Variants in TMEM183A observed in about 807,000 individuals in gnomAD.
TMEM183A encodes the protein transmembrane protein 183A.
In TMEM183A, 21 loss-of-function variants were observed where a neutral mutation model predicts 46.7. That is an observed-to-expected ratio of 0.45 (90% CI 0.32 to 0.65). The LOEUF is 0.65. TMEM183A is among the 30% of genes least tolerant of loss of function. The probability of loss-of-function intolerance (pLI) is 0.04; values close to 1 mark genes in which losing one functional copy is unlikely to be tolerated. For missense variants in TMEM183A, 331 were observed against 481.9 expected (o/e 0.69, Z 2.93); for synonymous variants, 165 against 180.2 (o/e 0.92, Z 0.68).
At chr1:203,007,659 G>C in intron 1 of TMEM183A, 85 bp downstream of exon 1, 3 of 1,537,722 alleles carry the variant, frequency 2.0e-6, no homozygotes, top group Non-Finnish European at 2.6e-6. Context: ...GAGCGCTCGC[G>C]TGCCCGCGGC....
At chr1:203,015,764 AATGG>A in intron 4 of TMEM183A, 192 bp from the exon 5 acceptor site, 1 of 635,824 alleles carries the variant, frequency 1.6e-6, no homozygotes. Flanking sequence ...CAACTTTAAA[AATGG>A]ATGGAGAACT....
rs1345450250 is a variant in TMEM183A at position 203,013,271 on chromosome 1, T to TG, written c.368-1614dup. Reference sequence around the variant, plus strand: ...TTAGCTAGAAAAGCGGGGGCAACTTTGGGGAGATGGTGTAGGGGCTTTTTC... The same window carrying TG: ...TTAGCTAGAAAAGCGGGGGCAACTTTGGGGGAGATGGTGTAGGGGCTTTTTC... On this transcript the variant is annotated intron_variant, in intron 3 of 7. Coordinates refer to ENST00000367242, the MANE Select transcript of TMEM183A (RefSeq NM_138391.6). The surrounding 1 kb of genome is among the most constrained non-coding windows in gnomAD (Gnocchi z 4.0). 6.6e-6 allele frequency among the ~76,000 whole-genome samples: 1 copy of TG among 152,146 alleles called. No individual in the cohort carries two copies. The highest frequency in any genetic ancestry group is 1.9e-4 in the East Asian group (1 of 5,196).
chr1:203,023,062 G>A lies in TMEM183A; in HGVS notation c.*22G>A, dbSNP rs773069314. 2.5e-5 allele frequency: 35 copies of A among 1,422,572 alleles called. No individual in the cohort carries two copies. In the South Asian group the frequency reaches 4.3e-4, roughly 17 times the overall value. The allele number at this position is 1,422,572 out of a possible 1,614,324, so 88.1% of individuals were successfully genotyped here. ...GTAGTTACTGCTTCCCATCCCTTGG[G>A]GGCAGCCTCGAGTGTAGTCCATTAG... On this transcript the variant is annotated 3_prime_UTR_variant, in exon 8 of 8. Transcript: ENST00000367242.
intron 2 of TMEM183A, among the ~76,000 whole-genome samples, chr1:203,008,310 A>G (rs940889793): frequency 1.3e-5 from 2 of 152,166 alleles, no homozygotes; most frequent in African/African-American, 4.8e-5. Flanking sequence ...ATTTGTCTCA[A>G]ACATTTCTCT....
At chr1:203,007,599 G>T in intron 1 of TMEM183A, 25 bp downstream of exon 1, 1 of 1,537,124 alleles carries the variant, frequency 6.5e-7, no homozygotes, top group Admixed American at 2.0e-5. Context: ...CAGGGGCGCT[G>T]AAACATTTTG....
intron 1 of TMEM183A, 69 bp downstream of exon 1, chr1:203,007,643 C>A (rs1046648182): frequency 6.5e-7 from 1 of 1,528,936 alleles, no homozygotes. Flanking sequence ...TGGACCGTGC[C>A]GAGGTGAGCG....
intron 6 of TMEM183A, among the ~76,000 whole-genome samples, chr1:203,019,645 A>G (rs1212502010): frequency 6.6e-6 from 1 of 152,192 alleles, no homozygotes; most frequent in Non-Finnish European, 1.5e-5. Flanking sequence ...TTTACCATTA[A>G]AAAAAGCTTT....
chr1:203,017,895 C>T (rs1657318148), intron 5 of TMEM183A: 10 of 986,034 alleles, frequency 1.0e-5, no homozygotes, highest in Non-Finnish European at 1.2e-5. Flanking sequence ...GCACGGCGGA[C>T]GACCCACCCC....
In TMEM183A at chr1:203,024,378, T is replaced by C. The variant is rs1002719481; in HGVS notation, c.*1338T>C. On this transcript the variant is annotated 3_prime_UTR_variant, in exon 8 of 8. Transcript: ENST00000367242. ...TCCTCCCACCCTCCACCATCCAAAA[T>C]TAACCAGTGAGCTGGATATTACCTG... The C allele has an allele frequency of 6.6e-6, 1 of 152,160 alleles. No individual in the cohort carries two copies. The highest frequency in any genetic ancestry group is 2.4e-5 in the African/African-American group (1 of 41,434). The allele number at this position is 152,160 out of a possible 1,614,324, so 9.4% of individuals were successfully genotyped here. A position where few individuals can be genotyped will look rare whatever the true frequency, so the allele number is the denominator to read the frequency against.
intron 3 of TMEM183A, among the ~76,000 whole-genome samples, chr1:203,009,940 C>T (rs193038315): frequency 8.3e-4 from 126 of 152,226 alleles, no homozygotes; most frequent in African/African-American, 2.6e-3. Flanking sequence ...TCGAGACCAT[C>T]CTGGCCATTA....
At chr1:203,019,045 A>T (rs1657429510) in intron 6 of TMEM183A, among the ~76,000 whole-genome samples, 3 of 150,602 alleles carry the variant, frequency 2.0e-5, no homozygotes. Flanking sequence ...AAATTGCCTT[A>T]CTAAAACAGT....
chr1:203,018,352 A>G, intron 5 of TMEM183A, 129 bp from the exon 6 acceptor site: 1 of 1,046,748 alleles, frequency 9.6e-7, no homozygotes, highest in South Asian at 1.7e-5. Context: ...GTAAAATCTC[A>G]GCATTGGGAC....
In TMEM183A at chr1:203,024,433, G is replaced by A. The variant is rs938568361; in HGVS notation, c.*1393G>A. On this transcript the variant is annotated 3_prime_UTR_variant, in exon 8 of 8. Coordinates refer to ENST00000367242, the MANE Select transcript of TMEM183A (RefSeq NM_138391.6). ...TTGCCAGGAGGTGGGCATTAAGACAGTATTCTTTAAAAGTGAAAATCTTGT... is the reference window on the plus strand; with the variant it reads ...TTGCCAGGAGGTGGGCATTAAGACAATATTCTTTAAAAGTGAAAATCTTGT... 1.3e-5 allele frequency: 2 copies of A among 151,272 alleles called. No individual in the cohort carries two copies. The highest frequency in any genetic ancestry group is 2.9e-5 in the Non-Finnish European group (2 of 67,890). 9.4% of individuals were successfully genotyped at this position (151,272 alleles called of 1,614,324 possible). A position where few individuals can be genotyped will look rare whatever the true frequency, so the allele number is the denominator to read the frequency against.
At chr1:203,018,322 G>T (rs146206453) in intron 5 of TMEM183A, among the ~76,000 whole-genome samples, 159 bp from the exon 6 acceptor site, 2 of 152,208 alleles carry the variant, frequency 1.3e-5, no homozygotes, top group Admixed American at 1.3e-4. Flanking sequence ...GTGTCAACTT[G>T]GGGGTCTATC....
rs767000280 is a variant in TMEM183A, at chr1:203,012,148, T to TCACACACACACA, written c.368-2715_368-2704dup. On this transcript the variant is annotated intron_variant, in intron 3 of 7. Coordinates refer to ENST00000367242, the MANE Select transcript of TMEM183A (RefSeq NM_138391.6). ...ACTTCAACCATTACCCCCCACTCCA[T>TCACACACACACA]CACACACACACACACACACACACAC... Among the ~76,000 whole-genome samples, 316 of 79,460 alleles carry TCACACACACACA rather than the reference T, an allele frequency of 4.0e-3. 29 individuals are homozygous for TCACACACACACA. Among genetic ancestry groups the TCACACACACACA allele is most frequent in the South Asian group, 7.9e-3 (16 of 2,038 alleles). 52.1% of individuals were successfully genotyped at this position (79,460 alleles called of 152,430 possible).
chr1:203,007,590 A>C lies in TMEM183A; in HGVS notation c.109+16A>C. The C allele has an allele frequency of 1.3e-6, 2 of 1,540,672 alleles. No homozygotes were observed. Among genetic ancestry groups the C allele is most frequent in the Non-Finnish European group, 1.7e-6 (2 of 1,147,512 alleles). ...TCCGGCCGAGGTGGGCGAGGGGGGC[A>C]GGGGCGCTGAAACATTTTGGGGGCT... On this transcript the variant is annotated intron_variant, in intron 1 of 7. Transcript: ENST00000367242.
At position 203,019,617 on chromosome 1, in the gene TMEM183A, A is replaced by G. The variant is rs764834890; in HGVS notation, c.789+1056A>G. ...TCACCTTTACTTTGTCAATATATTT[A>G]TATATTATTTAAGCTTATTTACCAT... is the stretch of plus-strand genomic sequence containing the variant. On this transcript the variant is annotated intron_variant, in intron 6 of 7. Coordinates refer to ENST00000367242, the MANE Select transcript of TMEM183A (RefSeq NM_138391.6). Among the ~76,000 whole-genome samples, 14 of 152,148 alleles carry G rather than the reference A, an allele frequency of 9.2e-5. No homozygotes were observed. The South Asian group carries it at 1.2e-3, about 13-fold the overall frequency.
In TMEM183A at chr1:203,014,833, C is replaced by A. The variant is rs889861745; in HGVS notation, c.368-56C>A. The A allele has an allele frequency of 3.8e-6, 6 of 1,590,996 alleles. No individual in the cohort carries two copies. In the African/African-American group the frequency reaches 6.7e-5, roughly 18 times the overall value. On this transcript the variant is annotated intron_variant, in intron 3 of 7. Coordinates refer to ENST00000367242, the MANE Select transcript of TMEM183A (RefSeq NM_138391.6). ...CAATCCTTGGGAGAAATGAAATTAT[C>A]GAGTATCTTTAGATATGGTGTAGAA...
rs528712009 is a variant in TMEM183A at position 203,018,770 on chromosome 1, C to G, written c.789+209C>G. ...TTGATGTTTGGTGAGGGCCTGGTCC[C>G]TTTGCTTCCAAGATGGTGTCTGATT... On this transcript the variant is annotated intron_variant, in intron 6 of 7. Transcript: ENST00000367242. 3.3e-5 allele frequency among the ~76,000 whole-genome samples: 5 copies of G among 152,266 alleles called. No homozygotes were observed. In the South Asian group the frequency reaches 8.3e-4, roughly 25 times the overall value.
Sources: gnomAD v4.1 joint callset for allele counts (sites outside exome capture counted in the v4.1 genomes callset) on GRCh38, gnomAD v4.1.1 for gene constraint, Gnocchi (gnomAD v3.1) non-coding constraint, MANE v1.5 for transcripts, NCBI Gene and HGNC (gene_info 2026-07-23, HGNC 2026-07-21) for gene names.